Variants in CSMD1 observed in about 807,000 individuals in gnomAD.
The protein encoded by CSMD1 is CUB and sushi domain-containing protein 1.
A neutral mutation model predicts 417.5 loss-of-function variants in CSMD1; 213 were observed. The observed-to-expected ratio is 0.51, with a 90% CI of 0.46 to 0.57. CSMD1 has a LOEUF of 0.57. Ranked by LOEUF, CSMD1 falls within the 20% of genes least tolerant of loss-of-function variation. The pLI is 0.00. For synonymous variants in CSMD1, 2,862 were observed against 1,736.8 expected (o/e 1.65, Z -16.11); for missense variants, 6,923 against 4,529.7 (o/e 1.53, Z -15.17).
In CSMD1 at chr8:4,185,624, T is replaced by A. The variant is rs150930548; in HGVS notation, c.416-153525A>T. Among the ~76,000 whole-genome samples the A allele has an allele frequency of 1.8e-4, 28 of 152,322 alleles. No homozygotes were observed. The East Asian group carries it at 5.0e-3, about 27-fold the overall frequency. ...GCTGATTTATGAAATTGCACGTTAT[T>A]TAAATAGCTAATGTAAAAAGTGACA... is the stretch of plus-strand genomic sequence containing the variant. On this transcript the variant is annotated intron_variant, in intron 3 of 69. Coordinates refer to ENST00000635120, the MANE Select transcript of CSMD1 (RefSeq NM_033225.6).
At chr8:3,918,210 C>A (rs1259566361) in intron 5 of CSMD1, among the ~76,000 whole-genome samples, 1 of 152,016 alleles carries the variant, frequency 6.6e-6, no homozygotes, top group African/African-American at 2.4e-5. Context: ...GGATAATTAC[C>A]TGGAAGTGGG....
rs565295445 is a variant in CSMD1 at position 4,827,174 on chromosome 8, G to A, written c.85+167158C>T. 1.5e-4 allele frequency among the ~76,000 whole-genome samples: 23 copies of A among 152,166 alleles called. No homozygotes were observed. In the South Asian group the frequency reaches 3.7e-3, roughly 25 times the overall value. ...AAACAGGTATACTAGCAAAGTTTTC[G>A]TTGCCATGCAATATAACTGAAAACC... On this transcript the variant is annotated intron_variant, in intron 1 of 69. Coordinates refer to ENST00000635120, the MANE Select transcript of CSMD1 (RefSeq NM_033225.6).
intron 2 of CSMD1, among the ~76,000 whole-genome samples, chr8:4,630,146 C>G (rs752141781): frequency 6.6e-6 from 1 of 152,130 alleles, no homozygotes; most frequent in Non-Finnish European, 1.5e-5. Context: ...CCTGTCAAAA[C>G]TTCCTCATAG....
intron 28 of CSMD1, among the ~76,000 whole-genome samples, chr8:3,222,385 T>C (rs553275852): frequency 6.6e-6 from 1 of 152,134 alleles, no homozygotes; most frequent in South Asian, 2.1e-4. Flanking sequence ...TCATAGCTCA[T>C]TGCAGCCTCC....
At chr8:3,999,238 G>C (rs1815468073) in intron 4 of CSMD1, among the ~76,000 whole-genome samples, 1 of 151,816 alleles carries the variant, frequency 6.6e-6, no homozygotes, top group Non-Finnish European at 1.5e-5. Context: ...ACTGCAATGT[G>C]GATGATATGT....
chr8:4,447,281 A>C (rs561650509), intron 2 of CSMD1, among the ~76,000 whole-genome samples: 1 of 152,344 alleles, frequency 6.6e-6, no homozygotes, highest in Non-Finnish European at 1.5e-5. Context: ...AAGCAAATCA[A>C]AGTCTGAGGC....
intron 3 of CSMD1, among the ~76,000 whole-genome samples, chr8:4,048,801 T>G (rs761796528): frequency 2.0e-5 from 3 of 152,222 alleles, no homozygotes; most frequent in African/African-American, 4.8e-5. Flanking sequence ...ATACAGTATA[T>G]GTAGTCACAA....
rs142187145 is a variant in CSMD1, at chr8:3,218,911, C to A, written c.4672+344G>T. Among the ~76,000 whole-genome samples the A allele has an allele frequency of 3.9e-3, 589 of 152,244 alleles. 1 individual carries two copies. The highest frequency in any genetic ancestry group is 6.5e-3 in the Non-Finnish European group (441 of 67,996). On this transcript the variant is annotated intron_variant, in intron 29 of 69. Coordinates refer to ENST00000635120, the MANE Select transcript of CSMD1 (RefSeq NM_033225.6). ...AAAAAAAGTTATTTTCATGTACTTA[C>A]ATTTAATCATCTTGAAGAAACAAAT...
intron 7 of CSMD1, among the ~76,000 whole-genome samples, chr8:3,635,793 C>CA (rs752552617): frequency 0.01 from 1,014 of 98,966 alleles, 7 homozygotes; most frequent in Admixed American, 0.011. Flanking sequence ...GCTTCCATCT[C>CA]AAAAAAAAAA....
chr8:4,120,611 T>C (rs13280629), intron 3 of CSMD1, among the ~76,000 whole-genome samples: 24,167 of 152,256 alleles, frequency 0.16, 2,084 homozygotes, highest in South Asian at 0.31. Context: ...GGGTGCCAAA[T>C]AGACAGTCTG....
intron 59 of CSMD1, among the ~76,000 whole-genome samples, chr8:2,965,140 C>A (rs1192306526): frequency 6.6e-6 from 1 of 152,154 alleles, no homozygotes; most frequent in African/African-American, 2.4e-5. Context: ...GGCCCTTGCA[C>A]AGCCGCCACT....
intron 3 of CSMD1, among the ~76,000 whole-genome samples, chr8:4,201,540 C>CAAAAAAAAAAAAAAAAAAAAAA (rs1157479482): frequency 1.7e-5 from 1 of 59,048 alleles, no homozygotes. Context: ...TCTGTCTCCA[C>CAAAAAAAAAAAAAAAAAAAAAA]AAAAAAAAAA....
intron 7 of CSMD1, among the ~76,000 whole-genome samples, chr8:3,662,160 G>T (rs192725772): frequency 7.2e-5 from 11 of 152,286 alleles, no homozygotes; most frequent in African/African-American, 2.6e-4. Flanking sequence ...TATAGAGATA[G>T]CTCACCAAGG....
chr8:3,515,910 C>G (rs1797263512), intron 10 of CSMD1, among the ~76,000 whole-genome samples: 2 of 152,162 alleles, frequency 1.3e-5, no homozygotes, highest in South Asian at 2.1e-4. Context: ...TTGGTTACAG[C>G]AGAAGGCTAA....
At chr8:4,261,099 G>A (rs960468798) in intron 3 of CSMD1, among the ~76,000 whole-genome samples, 3 of 152,078 alleles carry the variant, frequency 2.0e-5, no homozygotes, top group Admixed American at 6.6e-5. Flanking sequence ...ATTTTTCTAT[G>A]TGTCATTTAC....
intron 10 of CSMD1, among the ~76,000 whole-genome samples, chr8:3,560,788 C>T (rs541636912): frequency 6.6e-6 from 1 of 152,030 alleles, no homozygotes; most frequent in Non-Finnish European, 1.5e-5. Context: ...TTGATTTGAC[C>T]CTATCGAGCT....
intron 11 of CSMD1, among the ~76,000 whole-genome samples, chr8:3,472,896 T>A (rs1221006839): frequency 6.6e-6 from 1 of 152,098 alleles, no homozygotes; most frequent in Non-Finnish European, 1.5e-5. Flanking sequence ...TGGGGGAGTT[T>A]ATTTTCCTCG....
chr8:4,381,418 C>T (rs1041804562), intron 3 of CSMD1, among the ~76,000 whole-genome samples: 15 of 152,134 alleles, frequency 9.9e-5, no homozygotes, highest in African/African-American at 2.2e-4. Flanking sequence ...TATTTCCTGA[C>T]GTAAAACCCA....
chr8:3,492,686 G>C (rs980696075), intron 11 of CSMD1, among the ~76,000 whole-genome samples: 7 of 152,276 alleles, frequency 4.6e-5, no homozygotes, highest in Admixed American at 3.3e-4. Flanking sequence ...AGATGCCCAG[G>C]TCATAAGGCT....
Sources: gnomAD v4.1 joint callset for allele counts (sites outside exome capture counted in the v4.1 genomes callset) on GRCh38, gnomAD v4.1.1 for gene constraint, MANE v1.5 for transcripts, NCBI Gene and HGNC (gene_info 2026-07-23, HGNC 2026-07-21) for gene names.